The following KCNJ3 variants were observed in gnomAD, a reference collection of about 807,000 sequenced individuals.
The protein encoded by KCNJ3 is G protein-activated inward rectifier potassium channel 1.
Under a neutral mutation model 39.2 loss-of-function variants are expected in KCNJ3, and 4 were observed. The observed-to-expected ratio is 0.10, with a 90% confidence interval of 0.05 to 0.23. The LOEUF (loss-of-function observed/expected upper bound fraction) is 0.23. Among genes scored for constraint, KCNJ3 ranks in the 10% least tolerant of loss-of-function variants. The probability of loss-of-function intolerance (pLI) is 1.00; values close to 1 mark genes in which losing one functional copy is unlikely to be tolerated. For synonymous variants in KCNJ3, 230 were observed against 237.4 expected (o/e 0.97, Z 0.29); for missense variants, 276 against 634.9 (o/e 0.43, Z 6.08).
intron 2 of KCNJ3, among the ~76,000 whole-genome samples, chr2:154,716,417 G>A (rs1272717226): frequency 2.0e-5 from 3 of 151,000 alleles, no homozygotes; most frequent in African/African-American, 4.9e-5. Flanking sequence ...GAGCCACCAC[G>A]CCTAGCCCAT....
At chr2:154,847,160 C>T (rs1027350008) in intron 2 of KCNJ3, among the ~76,000 whole-genome samples, 1 of 152,014 alleles carries the variant, frequency 6.6e-6, no homozygotes, top group African/African-American at 2.4e-5. Flanking sequence ...ACCTGTATCT[C>T]AAAAGAGCCT....
At chr2:154,767,135 G>T (rs1449313716) in intron 2 of KCNJ3, among the ~76,000 whole-genome samples, 1 of 151,978 alleles carries the variant, frequency 6.6e-6, no homozygotes, top group Non-Finnish European at 1.5e-5. Flanking sequence ...AATTAAATCA[G>T]TTATTTTAGC....
At chr2:154,785,921 A>G (rs562716135) in intron 2 of KCNJ3, among the ~76,000 whole-genome samples, 1 of 152,198 alleles carries the variant, frequency 6.6e-6, no homozygotes, top group Non-Finnish European at 1.5e-5. Flanking sequence ...GGGCTTCAAC[A>G]TATGAATTTG....
intron 2 of KCNJ3, among the ~76,000 whole-genome samples, chr2:154,835,335 A>C (rs1687436479): frequency 7.1e-6 from 1 of 140,168 alleles, no homozygotes; most frequent in Non-Finnish European, 1.6e-5. Flanking sequence ...ACAATAAATT[A>C]TTTTCTTTTT....
chr2:154,844,116 A>AGAT (rs1328862214), intron 2 of KCNJ3, among the ~76,000 whole-genome samples: 1 of 152,186 alleles, frequency 6.6e-6, no homozygotes. Context: ...GGTGAGCTAC[A>AGAT]GATGGGGTTT....
At chr2:154,802,812 T>A (rs957455647) in intron 2 of KCNJ3, among the ~76,000 whole-genome samples, 2 of 152,174 alleles carry the variant, frequency 1.3e-5, no homozygotes, top group Non-Finnish European at 2.9e-5. Flanking sequence ...CTGAAGGTGA[T>A]ACGGATAATT....
At chr2:154,765,157 T>G (rs1185080554) in intron 2 of KCNJ3, among the ~76,000 whole-genome samples, 2 of 152,160 alleles carry the variant, frequency 1.3e-5, no homozygotes, top group Non-Finnish European at 2.9e-5. Flanking sequence ...AGAGCCCTAG[T>G]TATGGCAACC....
At chr2:154,724,916 G>GATATATATATATATATATAT (rs1558856912) in intron 2 of KCNJ3, among the ~76,000 whole-genome samples, 17 of 59,112 alleles carry the variant, frequency 2.9e-4, no homozygotes, top group African/African-American at 8.0e-4. Context: ...ATACATATGA[G>GATATATATATATATATATAT]GTATATATAT....
chr2:154,823,908 TATA>T (rs537309703), intron 2 of KCNJ3, among the ~76,000 whole-genome samples: 34 of 152,342 alleles, frequency 2.2e-4, no homozygotes, highest in Admixed American at 2.0e-3. Context: ...GTACTCATCA[TATA>T]ATTGTTGAAT....
chr2:154,834,486 C>G (rs1185069086), intron 2 of KCNJ3, among the ~76,000 whole-genome samples: 1 of 152,096 alleles, frequency 6.6e-6, no homozygotes. Flanking sequence ...AATCCCAGCA[C>G]TTTGGGCTGC....
intron 2 of KCNJ3, among the ~76,000 whole-genome samples, chr2:154,793,644 C>G (rs1686673887): frequency 6.6e-6 from 1 of 152,022 alleles, no homozygotes; most frequent in Admixed American, 6.6e-5. Context: ...AACACAAACA[C>G]TTCTAAAATT....
In KCNJ3 at chr2:154,724,917, G is replaced by GTATATATATATATATATATATATATA. The variant is rs59124944; in HGVS notation, c.919+15118_919+15119insTATATATATATATATATATATATATA. Among the ~76,000 whole-genome samples the GTATATATATATATATATATATATATA allele has an allele frequency of 2.1e-3, 239 of 116,222 alleles. 15 individuals are homozygous for GTATATATATATATATATATATATATA. Among genetic ancestry groups the GTATATATATATATATATATATATATA allele is most frequent in the African/African-American group, 5.8e-3 (162 of 28,166 alleles). 76.2% of individuals were successfully genotyped at this position (116,222 alleles called of 152,430 possible). On this transcript the variant is annotated intron_variant, in intron 2 of 2. Transcript: ENST00000295101. ...TGTATATATACAAGATACATATGAGGTATATATATATATATATATACCTTT... is the reference window on the plus strand; with the variant it reads ...TGTATATATACAAGATACATATGAGGTATATATATATATATATATATATATATATATATATATATATATATACCTTT...
chr2:154,699,064 T>A lies in KCNJ3; in HGVS notation c.289T>A (p.Phe97Ile). Residue 97 changes from phenylalanine to isoleucine, a missense_variant, in exon 1 of 3, where the codon TTC (phenylalanine) becomes ATC (isoleucine). By Grantham distance (21) the Phe-to-Ile change is conservative. Transcript: ENST00000295101. This position sits in a 1 kb window ranked among gnomAD's most constrained non-coding sequence, Gnocchi z 6.4. ...FILTYTVAWL[F>I]MASMWWVIAY... ...TCTCACCTACACCGTGGCCTGGCTT[T>A]TCATGGCGTCCATGTGGTGGGTGAT... 2 of 1,614,214 alleles carry A rather than the reference T, an allele frequency of 1.2e-6. No individual in the cohort carries two copies. The highest frequency in any genetic ancestry group is 8.5e-7 in the Non-Finnish European group (1 of 1,180,044).
At chr2:154,775,325 T>TA (rs899755549) in intron 2 of KCNJ3, among the ~76,000 whole-genome samples, 13 of 151,766 alleles carry the variant, frequency 8.6e-5, no homozygotes, top group East Asian at 5.8e-4. Context: ...TGGGTAGAAT[T>TA]AAAAAAAAAT....
At chr2:154,770,823 G>A (rs1686227427) in intron 2 of KCNJ3, among the ~76,000 whole-genome samples, 1 of 151,546 alleles carries the variant, frequency 6.6e-6, no homozygotes. Context: ...TGATAAATTT[G>A]TGGTTGTGAA....
chr2:154,771,213 A>G (rs1686237240), intron 2 of KCNJ3, among the ~76,000 whole-genome samples: 1 of 152,008 alleles, frequency 6.6e-6, no homozygotes. Context: ...TTCAATGGTT[A>G]TTTGTTAAAG....
intron 2 of KCNJ3, among the ~76,000 whole-genome samples, chr2:154,753,538 T>C (rs1255220144): frequency 6.6e-6 from 1 of 152,158 alleles, no homozygotes; most frequent in African/African-American, 2.4e-5. Flanking sequence ...CCTTTTCTCA[T>C]GCTTACTGTG....
intron 1 of KCNJ3, among the ~76,000 whole-genome samples, chr2:154,700,984 A>G (rs938144039): frequency 6.6e-6 from 1 of 152,180 alleles, no homozygotes; most frequent in African/African-American, 2.4e-5. Flanking sequence ...ATATTCATAT[A>G]TAATTAATTT....
intron 2 of KCNJ3, among the ~76,000 whole-genome samples, chr2:154,768,754 T>C (rs566046184): frequency 2.0e-5 from 3 of 152,340 alleles, no homozygotes; most frequent in African/African-American, 7.2e-5. Flanking sequence ...GGGGATGGCA[T>C]TGAATCTATA....
Sources: gnomAD v4.1 joint callset for allele counts (sites outside exome capture counted in the v4.1 genomes callset) on GRCh38, gnomAD v4.1.1 for gene constraint, Gnocchi (gnomAD v3.1) non-coding constraint, MANE v1.5 for transcripts, NCBI Gene and HGNC (gene_info 2026-07-23, HGNC 2026-07-21) for gene names.